The following SFT2D1 variants were observed in gnomAD, a reference collection of about 807,000 sequenced individuals.
The protein encoded by SFT2D1 is SFT2 domain containing 1, also known as vesicle transport protein SFT2A.
A neutral mutation model predicts 28.1 loss-of-function variants in SFT2D1; 24 were observed. The observed-to-expected ratio is 0.85, with a 90% confidence interval of 0.62 to 1.20. The LOEUF (loss-of-function observed/expected upper bound fraction) is 1.20, where lower values mean the gene tolerates loss of function less well. SFT2D1 is among the 50% of genes most tolerant of loss of function. The pLI is 0.00. For missense variants in SFT2D1, 181 were observed against 190.9 expected (o/e 0.95, Z 0.31); for synonymous variants, 82 against 73.7 (o/e 1.11, Z -0.58).
intron 5 of SFT2D1, among the ~76,000 whole-genome samples, chr6:166,325,402 A>G (rs1778425367): frequency 6.6e-6 from 1 of 152,220 alleles, no homozygotes; most frequent in Admixed American, 6.5e-5. Flanking sequence ...GGTTGAGTAC[A>G]ATAGAAAAAT....
At chr6:166,325,623 A>G (rs1778431165) in intron 5 of SFT2D1, among the ~76,000 whole-genome samples, 1 of 152,348 alleles carries the variant, frequency 6.6e-6, no homozygotes, top group African/African-American at 2.4e-5. Context: ...GCAGACTCAC[A>G]GCGCACCCCT....
chr6:166,328,239 C>G (rs1447651879), intron 4 of SFT2D1, 37 bp downstream of exon 4: 1 of 1,351,652 alleles, frequency 7.4e-7, no homozygotes, highest in Admixed American at 2.0e-5. Flanking sequence ...GCAAAGAATA[C>G]TTCAATAAAA....
At chr6:166,325,575 T>C (rs939837899) in intron 5 of SFT2D1, among the ~76,000 whole-genome samples, 2 of 152,242 alleles carry the variant, frequency 1.3e-5, no homozygotes, top group Admixed American at 1.3e-4. Flanking sequence ...CTATTGGTTT[T>C]ACACCTTGCT....
Position 166,330,162 on chromosome 6 carries a change from A to T in SFT2D1, c.149T>A (p.Leu50His). 1 of 1,585,436 alleles carries T rather than the reference A, an allele frequency of 6.3e-7. No individual in the cohort carries two copies. The highest frequency in any genetic ancestry group is 8.5e-7 in the Non-Finnish European group (1 of 1,170,540). The change falls in exon 2 of 8, where the codon CTT (leucine) becomes CAT (histidine). Residue 50 changes from leucine to histidine, a missense_variant and splice_region_variant. Coordinates refer to ENST00000361731, the MANE Select transcript of SFT2D1 (RefSeq NM_145169.3). ...CFVCGVFFSI[L>H]GTGLLWLPGG... is the part of the protein sequence containing the mutation. ...AAACAATATAAAGCCTTAACTCACA[A>T]GAATAGAAAAGAAAACGCCACATAC...
At chr6:166,327,727 C>G (rs552938549) in intron 4 of SFT2D1, among the ~76,000 whole-genome samples, 1 of 152,306 alleles carries the variant, frequency 6.6e-6, no homozygotes, top group South Asian at 2.1e-4. Context: ...ATATACGCAG[C>G]AGAAGCAGGC....
In SFT2D1 at chr6:166,325,883, G is replaced by A. The variant is rs192742181; in HGVS notation, c.351+249C>T. ...GACAGTAGAATCTATGGCACATTTA[G>A]CCACCAGCTGGGTGGGTGAGCATGT... On this transcript the variant is annotated intron_variant, in intron 5 of 7. Coordinates refer to ENST00000361731, the MANE Select transcript of SFT2D1 (RefSeq NM_145169.3). 7.5e-4 allele frequency: 424 copies of A among 562,584 alleles called. 1 individual carries two copies. Among genetic ancestry groups the A allele is most frequent in the African/African-American group, 7.4e-3 (393 of 53,100 alleles). 34.8% of individuals were successfully genotyped at this position (562,584 alleles called of 1,614,324 possible). A position where few individuals can be genotyped will look rare whatever the true frequency, so the allele number is the denominator to read the frequency against.
Position 166,342,540 on chromosome 6 carries a change from G to GGAAACCCCGAACCC in SFT2D1, c.-60_-59insGGGTTCGGGGTTTC, listed in dbSNP as rs1410399401. ...TGTTGCCTGCCCCTGACGCCCACCA[G>GGAAACCCCGAACCC]GAAACCCCGAACCCGAAACCCCACA... On this transcript the variant is annotated 5_prime_UTR_variant, in exon 1 of 8. Transcript: ENST00000361731. 7 of 1,425,696 alleles carry GGAAACCCCGAACCC rather than the reference G, an allele frequency of 4.9e-6. No individual in the cohort carries two copies. The highest frequency in any genetic ancestry group is 4.0e-5 in the Admixed American group (2 of 50,026). 88.3% of individuals were successfully genotyped at this position (1,425,696 alleles called of 1,614,324 possible).
At chr6:166,329,168 C>T (rs1778504756) in intron 3 of SFT2D1, among the ~76,000 whole-genome samples, 1 of 152,206 alleles carries the variant, frequency 6.6e-6, no homozygotes, top group Non-Finnish European at 1.5e-5. Flanking sequence ...CCATGGGCAG[C>T]ACTGACTCCC....
chr6:166,331,987 C>G lies in SFT2D1; in HGVS notation c.64-1740G>C, dbSNP rs576477746. Among the ~76,000 whole-genome samples the G allele has an allele frequency of 4.6e-5, 7 of 152,264 alleles. No individual in the cohort carries two copies. The South Asian group carries it at 1.5e-3, about 32-fold the overall frequency. On this transcript the variant is annotated intron_variant, in intron 1 of 7. Transcript: ENST00000361731. ...TTTTTCTCTCAGCAAGGAAACAGCA[C>G]GGCTATTTGTATAATAGTAGGTATT... is the stretch of plus-strand genomic sequence containing the variant.
At chr6:166,334,910 A>G in intron 1 of SFT2D1, 2 of 422,848 alleles carry the variant, frequency 4.7e-6, no homozygotes, top group Non-Finnish European at 9.1e-6. Context: ...TGCTGGCGGC[A>G]TTAAAGAAGA....
At chr6:166,327,440 C>T (rs552741993) in intron 4 of SFT2D1, among the ~76,000 whole-genome samples, 1 of 152,204 alleles carries the variant, frequency 6.6e-6, no homozygotes, top group South Asian at 2.1e-4. Flanking sequence ...AGAGTGATGA[C>T]CTGAGAGTTG....
rs111237439 is a variant in SFT2D1 at position 166,320,986 on chromosome 6, C to T, written c.441-730G>A. On this transcript the variant is annotated intron_variant, in intron 7 of 7. Coordinates refer to ENST00000361731, the MANE Select transcript of SFT2D1 (RefSeq NM_145169.3). ...TGGGCGTGGCAGCGGCAGCACGTGC[C>T]TGTAATCCCAGCTACTCAGGAGGCT... 3.4e-3 allele frequency among the ~76,000 whole-genome samples: 512 copies of T among 152,230 alleles called. 4 individuals carry two copies. The highest frequency in any genetic ancestry group is 0.011 in the African/African-American group (474 of 41,540).
At chr6:166,325,982 G>A in intron 5 of SFT2D1, 150 bp downstream of exon 5, 1 of 750,274 alleles carries the variant, frequency 1.3e-6, no homozygotes, top group Non-Finnish European at 2.3e-6. Flanking sequence ...CAACTAGCTG[G>A]ATGGTAACAT....
chr6:166,331,177 A>G (rs1375339134), intron 1 of SFT2D1, among the ~76,000 whole-genome samples: 1 of 152,230 alleles, frequency 6.6e-6, no homozygotes, highest in African/African-American at 2.4e-5. Context: ...TATTTTCCAA[A>G]TAAGGCTAAA....
intron 3 of SFT2D1, among the ~76,000 whole-genome samples, chr6:166,328,711 T>C (rs1484025238): frequency 2.0e-5 from 3 of 152,184 alleles, no homozygotes; most frequent in African/African-American, 4.8e-5. Flanking sequence ...ATCTTCCCCT[T>C]GGGGGATGCA....
intron 1 of SFT2D1, 99 bp downstream of exon 1, chr6:166,342,320 A>G (rs1488138852): frequency 3.7e-6 from 4 of 1,087,510 alleles, no homozygotes; most frequent in Non-Finnish European, 5.1e-6. Flanking sequence ...GGAGTCCCAG[A>G]CCCCCGGCCT....
intron 3 of SFT2D1, 28 bp from the exon 4 acceptor site, chr6:166,328,385 G>A: frequency 4.6e-6 from 6 of 1,315,028 alleles, no homozygotes; most frequent in Non-Finnish European, 5.2e-6. Flanking sequence ...AGTGACTGAG[G>A]TACAGGTCTA....
intron 7 of SFT2D1, among the ~76,000 whole-genome samples, chr6:166,321,708 A>G (rs1383860216): frequency 6.6e-6 from 1 of 152,236 alleles, no homozygotes; most frequent in East Asian, 1.9e-4. Flanking sequence ...GTGCCTCACC[A>G]GAATCTTTTT....
At chr6:166,337,590 C>T (rs149636778) in intron 1 of SFT2D1, among the ~76,000 whole-genome samples, 43 of 152,222 alleles carry the variant, frequency 2.8e-4, no homozygotes, top group African/African-American at 1.0e-3. Context: ...CCCCTAACCA[C>T]CTCACCCACA....
Sources: allele counts gnomAD v4.1 joint callset (sites outside exome capture counted in the v4.1 genomes callset), GRCh38; gene constraint gnomAD v4.1.1; transcripts MANE v1.5; gene names NCBI Gene and HGNC (gene_info 2026-07-23, HGNC 2026-07-21).